AKR7A2: variants seen among roughly 807,000 people sequenced by gnomAD.
The protein encoded by AKR7A2 is aflatoxin B1 aldehyde reductase member 2.
A neutral mutation model predicts 37.3 loss-of-function variants in AKR7A2; 29 were observed. The observed-to-expected ratio is 0.78, with a 90% CI of 0.58 to 1.06. The LOEUF (loss-of-function observed/expected upper bound fraction) is 1.06, where lower values mean the gene tolerates loss of function less well. Ranked by LOEUF, AKR7A2 falls within the 50% of genes least tolerant of loss-of-function variation. The pLI is 0.00. For missense variants in AKR7A2, 529 were observed against 497.9 expected (o/e 1.06, Z -0.59); for synonymous variants, 228 against 217.8 (o/e 1.05, Z -0.41).
chr1:19,302,858 A>AT (rs1223751409), downstream of AKR7A2, among the ~76,000 whole-genome samples: 2 of 151,828 alleles, frequency 1.3e-5, no homozygotes, highest in African/African-American at 2.4e-5. Context: ...ACACAGATTA[A>AT]TTTTTTGTAT....
In AKR7A2 at chr1:19,304,399, C is replaced by T. The variant is rs377590034; in HGVS notation, c.919-13G>A. 37 of 1,613,808 alleles carry T rather than the reference C, an allele frequency of 2.3e-5. No individual in the cohort carries two copies. The highest frequency in any genetic ancestry group is 8.0e-5 in the African/African-American group (6 of 74,906). ...CCCCGTGGGCACCCTGCAAGGGAGA[C>T]GGCCAGACTTCAACCCTCTTCTGCT... On this transcript the variant is annotated splice_polypyrimidine_tract_variant and intron_variant, in intron 6 of 6. Coordinates refer to ENST00000235835, the MANE Select transcript of AKR7A2 (RefSeq NM_003689.4).
At chr1:19,307,669 C>A in intron 3 of AKR7A2, 2 of 572,588 alleles carry the variant, frequency 3.5e-6, no homozygotes, top group Non-Finnish European at 6.3e-6. Context: ...TCACAAAATC[C>A]CTGCTTCCAG....
rs998526419 is a variant in AKR7A2 at position 19,304,268 on chromosome 1, G to A, written c.1037C>T (p.Ala346Val). ...EPAVVDAFNQAWHLVAHECPN... is the reference protein window; with the variant it reads ...EPAVVDAFNQVWHLVAHECPN... ...ACATTCGTGAGCAACCAAATGCCAG[G>A]CTTGATTAAAGGCATCCACGACAGC... Residue 346 changes from alanine to valine, a missense_variant, in exon 7 of 7, where the codon GCC becomes GTC. Coordinates refer to ENST00000235835, the MANE Select transcript of AKR7A2 (RefSeq NM_003689.4). 1.2e-6 allele frequency: 2 copies of A among 1,613,986 alleles called. No homozygotes were observed. The highest frequency in any genetic ancestry group is 2.7e-5 in the African/African-American group (2 of 74,896).
In AKR7A2 at chr1:19,304,287, C is replaced by A; in HGVS notation, c.1018G>T (p.Val340Leu). Residue 340 changes from valine (V) to leucine (L), a missense_variant, in exon 7 of 7, where the codon GTG (valine) becomes TTG (leucine). By Grantham distance (32) the Val-to-Leu change is conservative. Transcript: ENST00000235835. ...TEEGPLEPAV[V>L]DAFNQAWHLV... ...TGCCAGGCTTGATTAAAGGCATCCA[C>A]GACAGCCGGCTCCAGGGGCCCTTCC... 1 of 1,614,054 alleles carries A rather than the reference C, an allele frequency of 6.2e-7. No individual in the cohort carries two copies. Among genetic ancestry groups the A allele is most frequent in the Non-Finnish European group, 8.5e-7 (1 of 1,180,020 alleles).
chr1:19,308,008 G>C, intron 3 of AKR7A2, 150 bp downstream of exon 3: 2 of 991,860 alleles, frequency 2.0e-6, no homozygotes, highest in Non-Finnish European at 3.1e-6. Context: ...AGCTTGAATG[G>C]CATCCTGAGG....
At chr1:19,308,330 C>T (rs747316988) in intron 2 of AKR7A2, 68 bp from the exon 3 acceptor site, 2 of 1,607,474 alleles carry the variant, frequency 1.2e-6, no homozygotes, top group Admixed American at 3.4e-5. Context: ...CAGGGTGGGG[C>T]CCCAGGGAAT....
At chr1:19,307,883 G>A in intron 3 of AKR7A2, 1 of 565,050 alleles carries the variant, frequency 1.8e-6, no homozygotes, top group Non-Finnish European at 3.2e-6. Flanking sequence ...TTCTCCCAGG[G>A]AGGAGGGCAG....
At chr1:19,307,698 TA>T (rs1232372023) in intron 3 of AKR7A2, 7 of 543,822 alleles carry the variant, frequency 1.3e-5, no homozygotes, top group East Asian at 1.3e-4. Context: ...TACTCAAGTT[TA>T]AAAAAATAGA....
At chr1:19,304,907 A>G (rs1379129360) in intron 6 of AKR7A2, among the ~76,000 whole-genome samples, 1 of 152,082 alleles carries the variant, frequency 6.6e-6, no homozygotes, top group Non-Finnish European at 1.5e-5. Context: ...CTGCTGTTCT[A>G]CCGCCTGGGT....
In AKR7A2 at chr1:19,312,050, G is replaced by A. The variant is rs1309519047; in HGVS notation, c.75C>T (p.Ala25=). Residue 25 remains alanine (A), a synonymous_variant, in exon 1 of 7, where the codon GCC becomes GCT. Coordinates refer to ENST00000235835, the MANE Select transcript of AKR7A2 (RefSeq NM_003689.4). ...GTGGCCGGGACATGGCGAGCGCGCG[G>A]GCCTCGGGCGGCGGAGAGCGAAGCG... ...HCALRSPPPE[A]RALAMSRPPP... is the part of the protein sequence containing the mutation. 2.9e-6 allele frequency: 4 copies of A among 1,371,724 alleles called. No homozygotes were observed. The South Asian group carries it at 5.4e-5, about 18-fold the overall frequency. The allele number at this position is 1,371,724 out of a possible 1,614,324, so 85.0% of individuals were successfully genotyped here.
intron 1 of AKR7A2, 152 bp from the exon 2 acceptor site, chr1:19,308,794 G>C: frequency 1.3e-6 from 1 of 795,954 alleles, no homozygotes; most frequent in South Asian, 1.5e-5. Context: ...GGAGGTCCTG[G>C]GGATTAAATA....
Position 19,304,044 on chromosome 1 carries a change from T to G in AKR7A2, c.*181A>C. On this transcript the variant is annotated 3_prime_UTR_variant, in exon 7 of 7. Transcript: ENST00000235835. The stretch of plus-strand genomic sequence containing the variant: ...TCAACAGGAAGCGCTCAAGTGGGAC[T>G]CACCCCCCACCTTTCACAGTGTAAA... 1 of 1,024,936 alleles carries G rather than the reference T, an allele frequency of 9.8e-7. No individual in the cohort carries two copies. The highest frequency in any genetic ancestry group is 1.5e-6 in the Non-Finnish European group (1 of 681,188). 63.5% of individuals were successfully genotyped at this position (1,024,936 alleles called of 1,614,324 possible). A position where few individuals can be genotyped will look rare whatever the true frequency, so the allele number is the denominator to read the frequency against.
At position 19,308,540 on chromosome 1, in the gene AKR7A2, TG is replaced by T. The variant is rs1195816856; in HGVS notation, c.400del (p.Gln134LysfsTer87). On this transcript the variant is annotated frameshift_variant, in exon 2 of 7. Coordinates refer to ENST00000235835, the MANE Select transcript of AKR7A2 (RefSeq NM_003689.4). LOFTEE classifies it high-confidence loss of function. ...ETSLKRLQCP[Q>X]VDLFYLHAPD... ...TGCGTGTAGGTAGAAGAGGTCCACT[TG>T]GGGACACTGCAGCCTCTTCAATGAC... 6.2e-7 allele frequency: 1 copy of T among 1,614,110 alleles called. No homozygotes were observed. Among genetic ancestry groups the T allele is most frequent in the South Asian group, 1.1e-5 (1 of 91,082 alleles).
chr1:19,308,079 G>A (rs892864881), intron 3 of AKR7A2, 79 bp downstream of exon 3: 6 of 1,566,552 alleles, frequency 3.8e-6, no homozygotes, highest in Non-Finnish European at 4.4e-6. Flanking sequence ...GACGGCACAG[G>A]GGGCAGTCAG....
rs965911757 is a variant in AKR7A2, at chr1:19,307,327, G to A, written c.675C>T (p.Tyr225=). ...LRHFGLRFYA[Y]NPLAGGLLTG... ...TGCTCCACGTACCAGCCAGAGGGTT[G>A]TAGGCATAGAACCTCAGTCCAAAGT... is the stretch of plus-strand genomic sequence containing the variant. The change falls in exon 4 of 7, where the codon TAC becomes TAT. Residue 225 remains tyrosine, a synonymous_variant. Coordinates refer to ENST00000235835, the MANE Select transcript of AKR7A2 (RefSeq NM_003689.4). 2.5e-6 allele frequency: 4 copies of A among 1,613,464 alleles called. No homozygotes were observed. The highest frequency in any genetic ancestry group is 2.5e-6 in the Non-Finnish European group (3 of 1,179,982).
rs1365872738 is a variant in AKR7A2, at chr1:19,312,100, CTA to C, written c.23_24del (p.Val8GlyfsTer109). ...GCGCAGTGGACGGCGGCGCGGGAGA[CTA>C]CGCGAGACGCGGCACTCAGCATAGC... is the stretch of plus-strand genomic sequence containing the variant. MLSAASR[V>X]VSRAAVHCAL... On this transcript the variant is annotated frameshift_variant, in exon 1 of 7. Coordinates refer to ENST00000235835, the MANE Select transcript of AKR7A2 (RefSeq NM_003689.4). LOFTEE classifies it high-confidence loss of function. 282 of 1,330,224 alleles carry C rather than the reference CTA, an allele frequency of 2.1e-4. 1 individual carries two copies. The African/African-American group carries it at 4.0e-3, about 19-fold the overall frequency. 82.4% of individuals were successfully genotyped at this position (1,330,224 alleles called of 1,614,324 possible). A position where few individuals can be genotyped will look rare whatever the true frequency, so the allele number is the denominator to read the frequency against.
rs1420489858 is a variant in AKR7A2, at chr1:19,307,372, C to T, written c.630G>A (p.Glu210=). The T allele has an allele frequency of 1.2e-6, 2 of 1,614,058 alleles. No individual in the cohort carries two copies. The highest frequency in any genetic ancestry group is 2.2e-5 in the East Asian group (1 of 44,884). ...CAAAGTGCCTGAGGCAGGGGAAGAGCTCCGTTTCCACCTGCCGGGTGGTGG... is the reference window on the plus strand; with the variant it reads ...CAAAGTGCCTGAGGCAGGGGAAGAGTTCCGTTTCCACCTGCCGGGTGGTGG... ...YNATTRQVET[E]LFPCLRHFGL... Residue 210 remains glutamate (E), a synonymous_variant, in exon 4 of 7, where the codon GAG becomes GAA. Coordinates refer to ENST00000235835, the MANE Select transcript of AKR7A2 (RefSeq NM_003689.4).
Position 19,306,016 on chromosome 1 carries a change from A to G in AKR7A2, c.918+2T>C. 6.2e-7 allele frequency: 1 copy of G among 1,613,878 alleles called. No homozygotes were observed. The highest frequency in any genetic ancestry group is 8.5e-7 in the Non-Finnish European group (1 of 1,179,904). ...AGCTGAGCACCCAGGGTCGCTGGTT[A>G]CCTGCAGCTGTGAGTGGTGGTACAT... is the stretch of plus-strand genomic sequence containing the variant. On this transcript the variant is annotated splice_donor_variant, in intron 6 of 6. Transcript: ENST00000235835. LOFTEE classifies it high-confidence loss of function.
intron 3 of AKR7A2, chr1:19,307,840 AGAG>A (rs2093764565): frequency 1.1e-5 from 6 of 522,008 alleles, no homozygotes; most frequent in Non-Finnish European, 1.7e-5. Flanking sequence ...AAAGGCTTCC[AGAG>A]GAGGAGACCT....
Sources: gnomAD v4.1 joint callset for allele counts (sites outside exome capture counted in the v4.1 genomes callset) on GRCh38, gnomAD v4.1.1 for gene constraint, MANE v1.5 for transcripts, NCBI Gene and HGNC (gene_info 2026-07-23, HGNC 2026-07-21) for gene names.